WDR27: variants seen among roughly 807,000 people sequenced by gnomAD.
The protein encoded by WDR27 is WD repeat-containing protein 27.
In WDR27, 100 loss-of-function variants were observed where a neutral mutation model predicts 114.4. That is an observed-to-expected ratio of 0.87 (90% CI 0.74 to 1.03). WDR27 has a LOEUF of 1.03. Ranked by LOEUF, WDR27 falls within the 50% of genes least tolerant of loss-of-function variation. The pLI, the probability that WDR27 is intolerant of heterozygous loss-of-function variation, is 0.00. For synonymous variants in WDR27, 449 were observed against 423.1 expected, an observed-to-expected ratio of 1.06 and a Z score of -0.75; for missense variants, 1,129 against 1,092.9, an observed-to-expected ratio of 1.03 and a Z score of -0.47.
At chr6:169,622,459 A>G (rs1036256768) in intron 21 of WDR27, among the ~76,000 whole-genome samples, 13 of 152,240 alleles carry the variant, frequency 8.5e-5, no homozygotes, top group African/African-American at 3.1e-4. Flanking sequence ...AACTGCTATT[A>G]GGAACAGGTA....
At chr6:169,583,301 G>GAAAAAAAAA (rs1202818129) in intron 23 of WDR27, among the ~76,000 whole-genome samples, 1 of 21,254 alleles carries the variant, frequency 4.7e-5, no homozygotes. Flanking sequence ...AAATTGAATG[G>GAAAAAAAAA]AAAAAAAAAA....
chr6:169,503,193 C>G (rs1379639509), intron 25 of WDR27, among the ~76,000 whole-genome samples: 1 of 152,118 alleles, frequency 6.6e-6, no homozygotes, highest in Non-Finnish European at 1.5e-5. Flanking sequence ...AATGCTCAGG[C>G]CTTCAGAGGA....
chr6:169,674,351 A>G (rs1779536721), intron 2 of WDR27, among the ~76,000 whole-genome samples: 2 of 152,252 alleles, frequency 1.3e-5, no homozygotes, highest in African/African-American at 4.8e-5. Context: ...CATTTTCCAT[A>G]TGTTCAAAAG....
At chr6:169,557,369 G>A (rs537056618) in intron 25 of WDR27, among the ~76,000 whole-genome samples, 21 of 152,352 alleles carry the variant, frequency 1.4e-4, no homozygotes, top group Non-Finnish European at 1.3e-4. Context: ...TTCCACCTTG[G>A]AGAGTGGAAA....
chr6:169,686,342 A>G (rs1441717180), intron 2 of WDR27, among the ~76,000 whole-genome samples: 1 of 152,200 alleles, frequency 6.6e-6, no homozygotes, highest in African/African-American at 2.4e-5. Flanking sequence ...ATAAACAGTA[A>G]GAGAAGAAGT....
At chr6:169,608,646 G>C (rs910196450) in intron 22 of WDR27, among the ~76,000 whole-genome samples, 2 of 152,152 alleles carry the variant, frequency 1.3e-5, no homozygotes, top group Admixed American at 6.5e-5. Flanking sequence ...CAACACATGG[G>C]AATTATGGGA....
chr6:169,654,010 C>G (rs1247231118), intron 13 of WDR27, among the ~76,000 whole-genome samples: 2 of 152,210 alleles, frequency 1.3e-5, no homozygotes, highest in African/African-American at 4.8e-5. Context: ...TAGAAAGCAA[C>G]GCAAATCTCC....
chr6:169,556,574 T>C lies in WDR27; in HGVS notation c.2645+15845A>G, dbSNP rs927103993. Among the ~76,000 whole-genome samples the C allele has an allele frequency of 6.6e-5, 10 of 152,182 alleles. No homozygotes were observed. The East Asian group carries it at 1.9e-3, about 29-fold the overall frequency. On this transcript the variant is annotated intron_variant, in intron 25 of 25. Transcript: ENST00000448612. ...CAGTCTCTGGGTTAGCAAAGGTTTC[T>C]TAGGCCACAGAAAGCATTAAGCAAA...
At chr6:169,633,358 T>C (rs1816880226) in intron 20 of WDR27, among the ~76,000 whole-genome samples, 1 of 152,160 alleles carries the variant, frequency 6.6e-6, no homozygotes, top group South Asian at 2.1e-4. Context: ...TTTAGATACG[T>C]GGTGTTTGAG....
intron 23 of WDR27, 50 bp from the exon 24 acceptor site, chr6:169,582,984 C>T: frequency 1.9e-6 from 3 of 1,545,180 alleles, no homozygotes; most frequent in Non-Finnish European, 2.7e-6. Flanking sequence ...AGTCAGGAAT[C>T]ACCTGTAAGC....
intron 22 of WDR27, among the ~76,000 whole-genome samples, chr6:169,607,260 T>A (rs1266945804): frequency 6.6e-6 from 1 of 152,066 alleles, no homozygotes; most frequent in Admixed American, 6.6e-5. Flanking sequence ...GAAAAAGAAG[T>A]CATGATTTCA....
chr6:169,674,254 A>G (rs1236728602), intron 2 of WDR27, among the ~76,000 whole-genome samples: 1 of 152,238 alleles, frequency 6.6e-6, no homozygotes, highest in Non-Finnish European at 1.5e-5. Flanking sequence ...CGATGCCTAC[A>G]AGTCATCCAG....
At chr6:169,487,508 G>A (rs138276752) in intron 25 of WDR27, among the ~76,000 whole-genome samples, 168 of 152,302 alleles carry the variant, frequency 1.1e-3, no homozygotes, top group African/African-American at 3.6e-3. Flanking sequence ...CTGGATTACA[G>A]AGTCGAGGCG....
rs778883251 is a variant in WDR27, at chr6:169,498,545, T to C, written c.2646-40911A>G. Among the ~76,000 whole-genome samples, 13 of 151,978 alleles carry C rather than the reference T, an allele frequency of 8.6e-5. No homozygotes were observed. The South Asian group carries it at 2.1e-3, about 24-fold the overall frequency. On this transcript the variant is annotated intron_variant, in intron 25 of 25. Coordinates refer to ENST00000448612, the MANE Select transcript of WDR27 (RefSeq NM_182552.5). ...TTTTAGAAAGCAAAATAGGAGAAAA[T>C]CTTCAGGATCTAGGGCTGACACCAA...
At chr6:169,646,747 CAAA>C (rs201219275) in intron 16 of WDR27, among the ~76,000 whole-genome samples, 8 of 78,530 alleles carry the variant, frequency 1.0e-4, no homozygotes, top group Admixed American at 2.3e-4. Context: ...GTCTCTGTCT[CAAA>C]AAAAAAAAAA....
chr6:169,630,350 G>A (rs889236069), intron 21 of WDR27, among the ~76,000 whole-genome samples: 2 of 152,060 alleles, frequency 1.3e-5, no homozygotes, highest in African/African-American at 4.8e-5. Flanking sequence ...TGGTAACAGC[G>A]AGTCACAGTT....
At chr6:169,484,631 A>G (rs1788645053) in intron 25 of WDR27, among the ~76,000 whole-genome samples, 1 of 148,790 alleles carries the variant, frequency 6.7e-6, no homozygotes, top group South Asian at 2.1e-4. Context: ...TATTCCTAAC[A>G]AACTATCAAT....
At chr6:169,623,545 G>A (rs371609667) in intron 21 of WDR27, among the ~76,000 whole-genome samples, 2 of 152,130 alleles carry the variant, frequency 1.3e-5, no homozygotes, top group Non-Finnish European at 2.9e-5. Context: ...GGGCCCGCAG[G>A]CTTCACACAG....
intron 21 of WDR27, among the ~76,000 whole-genome samples, chr6:169,614,336 A>G (rs1245626357): frequency 6.6e-6 from 1 of 152,238 alleles, no homozygotes; most frequent in East Asian, 1.9e-4. Flanking sequence ...CCTACAAGTC[A>G]TCCTTCATTT....
Sources: gnomAD v4.1 joint callset for allele counts (sites outside exome capture counted in the v4.1 genomes callset) on GRCh38, gnomAD v4.1.1 for gene constraint, MANE v1.5 for transcripts, NCBI Gene and HGNC (gene_info 2026-07-23, HGNC 2026-07-21) for gene names.